Variants in NUP188 observed in about 807,000 individuals in gnomAD.
NUP188 encodes the protein nucleoporin NUP188.
A neutral mutation model predicts 223.0 loss-of-function variants in NUP188; 97 were observed. The ratio of observed to expected loss-of-function variants is 0.43; its 90% CI spans 0.37 to 0.51. The LOEUF (loss-of-function observed/expected upper bound fraction) is 0.51. Ranked by LOEUF, NUP188 falls within the 20% of genes least tolerant of loss-of-function variation. NUP188 has a pLI of 0.00. For missense variants in NUP188, 1,947 were observed against 2,175.6 expected, an observed-to-expected ratio of 0.89 and a Z score of 2.09; for synonymous variants, 869 against 828.0, an observed-to-expected ratio of 1.05 and a Z score of -0.85.
intron 38 of NUP188, chr9:129,004,364 G>C (rs550382097): frequency 6.6e-6 from 1 of 152,190 alleles, no homozygotes; most frequent in African/African-American, 2.4e-5. Context: ...AGAAGGGAGG[G>C]GTGAGGAAGG....
intron 1 of NUP188, chr9:128,948,533 A>G (rs1361681569): frequency 6.6e-6 from 1 of 151,848 alleles, no homozygotes; most frequent in African/African-American, 2.4e-5. Context: ...GAGCTAGCCA[A>G]GTGATAAAGA....
rs1277380452 is a variant in NUP188 at position 128,984,308 on chromosome 9, T to C, written c.1962-592T>C. On this transcript the variant is annotated intron_variant, in intron 19 of 43. Transcript: ENST00000372577. ...CGCCCCGGTAATTTTGCATTTTTGGTAGAGATAGTGTTTCACCGTGTTGGC... is the reference window on the plus strand; with the variant it reads ...CGCCCCGGTAATTTTGCATTTTTGGCAGAGATAGTGTTTCACCGTGTTGGC... Among the ~76,000 whole-genome samples, 4 of 151,806 alleles carry C rather than the reference T, an allele frequency of 2.6e-5. No individual in the cohort carries two copies. In the East Asian group the frequency reaches 5.8e-4, roughly 22 times the overall value.
chr9:128,968,771 T>C, intron 9 of NUP188, 54 bp downstream of exon 9: 1 of 1,361,622 alleles, frequency 7.3e-7, no homozygotes, highest in Admixed American at 1.7e-5. Flanking sequence ...GCATTGATAC[T>C]ATAGTGGTAT....
chr9:128,967,934 G>A (rs529677388), intron 8 of NUP188, among the ~76,000 whole-genome samples: 1 of 152,172 alleles, frequency 6.6e-6, no homozygotes, highest in Admixed American at 6.6e-5. Flanking sequence ...GGTGTACTCT[G>A]GGTGACAGAG....
intron 10 of NUP188, 94 bp downstream of exon 10, chr9:128,969,608 G>A: frequency 1.5e-6 from 1 of 683,870 alleles, no homozygotes; most frequent in South Asian, 2.0e-5. Context: ...CAGTGTTGTG[G>A]AACTACATTG....
intron 17 of NUP188, 66 bp downstream of exon 17, chr9:128,983,094 C>G: frequency 6.3e-7 from 1 of 1,595,176 alleles, no homozygotes; most frequent in East Asian, 2.2e-5. Context: ...CCTCAGTTTG[C>G]AGGAACCTGG....
chr9:129,005,220 A>G lies in NUP188; in HGVS notation c.4508A>G (p.Gln1503Arg). The G allele has an allele frequency of 6.2e-7, 1 of 1,614,030 alleles. No individual in the cohort carries two copies. Among genetic ancestry groups the G allele is most frequent in the Non-Finnish European group, 8.5e-7 (1 of 1,179,864 alleles). ...CGAAAGATGCTGCAGCATTACTTAC[A>G]GGTAAGCGTCCTATGCCATGAGGTC... The part of the protein sequence containing the change: ...HSRKMLQHYL[Q>R]NKNGDGLPSA... Residue 1503 changes from glutamine to arginine, a missense_variant and splice_region_variant, in exon 39 of 44, where the codon CAG becomes CGG. Physicochemically the swap from Gln to Arg is conservative, Grantham distance 43. This residue lies in a region of NUP188 where 905 missense variants were observed against 990.6 expected (regional missense o/e 0.91). Coordinates refer to ENST00000372577, the MANE Select transcript of NUP188 (RefSeq NM_015354.3).
intron 12 of NUP188, among the ~76,000 whole-genome samples, chr9:128,975,779 A>T (rs1842167946): frequency 6.9e-6 from 1 of 144,422 alleles, no homozygotes; most frequent in Non-Finnish European, 1.5e-5. Context: ...CAGCCTCCCA[A>T]AGTGCTGGGA....
At position 128,987,720 on chromosome 9, in the gene NUP188, A is replaced by G. The variant is rs1367781988; in HGVS notation, c.2393+3A>G. ...GTGATGGCTGCTCAGCCTCGAAGGT[A>G]GGGCTCCTTCTCCACGTTCCCTTTG... On this transcript the variant is annotated splice_donor_region_variant and intron_variant, in intron 23 of 43. Coordinates refer to ENST00000372577, the MANE Select transcript of NUP188 (RefSeq NM_015354.3). 6.2e-7 allele frequency: 1 copy of G among 1,612,462 alleles called. No homozygotes were observed. Among genetic ancestry groups the G allele is most frequent in the Non-Finnish European group, 8.5e-7 (1 of 1,179,524 alleles).
intron 12 of NUP188, among the ~76,000 whole-genome samples, chr9:128,978,761 G>A (rs1401832817): frequency 6.6e-6 from 1 of 152,068 alleles, no homozygotes; most frequent in Non-Finnish European, 1.5e-5. Context: ...CCAGGCTAGA[G>A]TACAGTGGCA....
intron 12 of NUP188, 117 bp downstream of exon 12, chr9:128,973,366 C>A: frequency 3.1e-6 from 2 of 653,118 alleles, no homozygotes; most frequent in Non-Finnish European, 5.2e-6. Flanking sequence ...TGTTTACTGG[C>A]ACTCATTTTT....
chr9:128,979,361 A>C, intron 13 of NUP188, 34 bp downstream of exon 13: 1 of 1,494,116 alleles, frequency 6.7e-7, no homozygotes, highest in East Asian at 2.3e-5. Context: ...TGCATAGCAA[A>C]AGAATTGTTC....
At chr9:128,976,722 T>G (rs1842180796) in intron 12 of NUP188, among the ~76,000 whole-genome samples, 1 of 151,510 alleles carries the variant, frequency 6.6e-6, no homozygotes, top group Non-Finnish European at 1.5e-5. Flanking sequence ...AGAACAAGGT[T>G]TGTGTACTTT....
chr9:128,996,149 A>AT (rs879374754), intron 30 of NUP188, among the ~76,000 whole-genome samples: 340 of 142,746 alleles, frequency 2.4e-3, no homozygotes, highest in Middle Eastern at 3.6e-3. Context: ...ATCCAGATTA[A>AT]TTTTTTTTTT....
At chr9:128,963,033 C>T (rs1276477293) in intron 8 of NUP188, among the ~76,000 whole-genome samples, 1 of 152,102 alleles carries the variant, frequency 6.6e-6, no homozygotes, top group Non-Finnish European at 1.5e-5. Context: ...TTTTGAGATT[C>T]ATCCATGTTA....
Position 128,979,244 on chromosome 9 carries a change from C to T in NUP188, c.1204-18C>T. ...CAGCTAGGGAAAATGATCCATTTTT[C>T]TTCCCTTCCTCAAACAGGATATAAT... On this transcript the variant is annotated intron_variant, in intron 12 of 43. Coordinates refer to ENST00000372577, the MANE Select transcript of NUP188 (RefSeq NM_015354.3). 1 of 1,591,136 alleles carries T rather than the reference C, an allele frequency of 6.3e-7. No individual in the cohort carries two copies.
chr9:128,993,467 C>T lies in NUP188; in HGVS notation c.2848-58C>T. On this transcript the variant is annotated intron_variant, in intron 26 of 43. Coordinates refer to ENST00000372577, the MANE Select transcript of NUP188 (RefSeq NM_015354.3). ...ACTGGGAGGCAGATGCTGGGCTCTG[C>T]AAGTACAGCTGCTGGCAGTGGCTGT... 1.9e-6 allele frequency: 3 copies of T among 1,611,224 alleles called. No individual in the cohort carries two copies. The Admixed American group carries it at 5.0e-5, about 27-fold the overall frequency.
chr9:128,951,982 A>G (rs529361737), intron 2 of NUP188, among the ~76,000 whole-genome samples: 1 of 152,158 alleles, frequency 6.6e-6, no homozygotes, highest in Non-Finnish European at 1.5e-5. Flanking sequence ...TAGTAGAGAC[A>G]GGGTTTCTCC....
chr9:128,995,020 G>T, intron 29 of NUP188, 97 bp downstream of exon 29: 1 of 897,906 alleles, frequency 1.1e-6, no homozygotes. Flanking sequence ...CCAAGGCAGA[G>T]GAGAGAACTG....
Sources: allele counts gnomAD v4.1 joint callset (sites outside exome capture counted in the v4.1 genomes callset), GRCh38; gene constraint gnomAD v4.1.1; regional missense constraint gnomAD v4.1.1; transcripts MANE v1.5; gene names NCBI Gene and HGNC (gene_info 2026-07-23, HGNC 2026-07-21).